Variants in EXOC2 observed in about 807,000 individuals in gnomAD.
The protein encoded by EXOC2 is exocyst complex component 2, also known as SEC5-like 1.
EXOC2 carries 70 observed loss-of-function variants against 131.8 expected under a neutral mutation model. That is an observed-to-expected ratio of 0.53 (90% CI 0.44 to 0.65). The LOEUF is 0.65. Among genes scored for constraint, EXOC2 ranks in the 30% least tolerant of loss-of-function variants. EXOC2 has a pLI of 0.00. For synonymous variants in EXOC2, 411 were observed against 398.4 expected, an observed-to-expected ratio of 1.03 and a Z score of -0.38; for missense variants, 923 against 1,108.6, an observed-to-expected ratio of 0.83 and a Z score of 2.38.
intron 21 of EXOC2, among the ~76,000 whole-genome samples, chr6:553,419 CTATT>C (rs2067935329): frequency 7.8e-6 from 1 of 127,928 alleles, no homozygotes; most frequent in Non-Finnish European, 1.7e-5. Context: ...GTGTGTGTAT[CTATT>C]TGAGGCTGTG....
At chr6:640,945 A>AT (rs1762326577) in intron 1 of EXOC2, among the ~76,000 whole-genome samples, 1 of 152,206 alleles carries the variant, frequency 6.6e-6, no homozygotes, top group South Asian at 2.1e-4. Context: ...ATCGAGAGAA[A>AT]TTTTTTACCC....
intron 1 of EXOC2, among the ~76,000 whole-genome samples, chr6:665,568 G>T (rs908260697): frequency 2.0e-5 from 3 of 152,102 alleles, no homozygotes; most frequent in Non-Finnish European, 2.9e-5. Context: ...AGAAACTGTG[G>T]TATATATATA....
intron 11 of EXOC2, among the ~76,000 whole-genome samples, chr6:577,742 T>C (rs1183081124): frequency 2.0e-5 from 3 of 152,212 alleles, no homozygotes; most frequent in African/African-American, 7.2e-5. Flanking sequence ...ATAGGACACT[T>C]GAATATTCTC....
At chr6:497,261 G>T in intron 25 of EXOC2, 106 bp downstream of exon 25, 1 of 968,854 alleles carries the variant, frequency 1.0e-6, no homozygotes, top group Non-Finnish European at 1.6e-6. Flanking sequence ...TCAATCAGTA[G>T]ATCCATTAAA....
At chr6:595,833 A>C (rs1759784855) in intron 10 of EXOC2, among the ~76,000 whole-genome samples, 1 of 152,056 alleles carries the variant, frequency 6.6e-6, no homozygotes, top group African/African-American at 2.4e-5. Context: ...CCTCCCTGCA[A>C]CTCTGTCGCT....
intron 21 of EXOC2, among the ~76,000 whole-genome samples, chr6:552,860 CCACA>C (rs371980411): frequency 6.7e-6 from 1 of 149,948 alleles, no homozygotes; most frequent in Non-Finnish European, 1.5e-5. Context: ...CAGACACAGA[CCACA>C]CACACACACA....
intron 11 of EXOC2, among the ~76,000 whole-genome samples, chr6:591,268 T>C (rs748355637): frequency 5.3e-5 from 8 of 152,174 alleles, no homozygotes; most frequent in Admixed American, 1.3e-4. Context: ...CCCCAATCCA[T>C]TGACCCCAGC....
intron 6 of EXOC2, among the ~76,000 whole-genome samples, chr6:616,602 CAAAAA>C (rs70985805): frequency 2.6e-4 from 18 of 69,498 alleles, no homozygotes; most frequent in African/African-American, 8.0e-4. Flanking sequence ...AACTCCGTCT[CAAAAA>C]AAAAAAAAAA....
intron 1 of EXOC2, among the ~76,000 whole-genome samples, chr6:674,712 ATGTTTGTTTGTT>A (rs556375852): frequency 4.0e-5 from 6 of 148,570 alleles, no homozygotes; most frequent in South Asian, 2.1e-4. Context: ...TGTATTAACC[ATGTTTGTTTGTT>A]TGTTTGTTTG....
intron 23 of EXOC2, among the ~76,000 whole-genome samples, chr6:507,125 TACACACACACA>T (rs1764587461): frequency 2.3e-5 from 1 of 43,070 alleles, no homozygotes; most frequent in Non-Finnish European, 6.2e-5. Context: ...ACTACACACA[TACACACACACA>T]TACACACACA....
At chr6:686,259 G>A (rs1052843269) in intron 1 of EXOC2, among the ~76,000 whole-genome samples, 1 of 150,212 alleles carries the variant, frequency 6.7e-6, no homozygotes, top group African/African-American at 2.5e-5. Context: ...GCCGCGCCCG[G>A]CCTCCTGGAC....
At chr6:525,905 AT>A (rs1211461977) in intron 23 of EXOC2, among the ~76,000 whole-genome samples, 1 of 152,210 alleles carries the variant, frequency 6.6e-6, no homozygotes, top group Non-Finnish European at 1.5e-5. Context: ...TTATCCATCT[AT>A]CCATCTCATC....
chr6:556,120 G>A (rs1757407135), intron 18 of EXOC2, 107 bp from the exon 19 acceptor site: 1 of 1,002,708 alleles, frequency 1.0e-6, no homozygotes, highest in South Asian at 1.4e-5. Flanking sequence ...CTGCAGGAGT[G>A]GTGCCCTTCC....
intron 23 of EXOC2, among the ~76,000 whole-genome samples, chr6:523,733 G>A (rs1195636704): frequency 6.6e-6 from 1 of 152,192 alleles, no homozygotes; most frequent in Non-Finnish European, 1.5e-5. Context: ...GCCCAGGCTG[G>A]AGTGCAGTGG....
rs1759596979 is a variant in EXOC2, at chr6:592,502, T to C, written c.1159A>G (p.Ser387Gly). ...TCTTTCACGTAGCCCTCTTTGCAAC[T>C]GTGCATGAGCTGAAGGATCCACTTG... Reference protein sequence around the residue: ...QHKWILQLMHSCKEGYVKDLK... With the variant: ...QHKWILQLMHGCKEGYVKDLK... Residue 387 changes from serine to glycine, a missense_variant, in exon 11 of 28, where the codon AGT (serine) becomes GGT (glycine). Ser to Gly is a moderately conservative substitution (Grantham distance 56, BLOSUM62 0). Coordinates refer to ENST00000230449, the MANE Select transcript of EXOC2 (RefSeq NM_018303.6). 1.2e-6 allele frequency: 2 copies of C among 1,613,944 alleles called. No homozygotes were observed. Among genetic ancestry groups the C allele is most frequent in the Admixed American group, 1.7e-5 (1 of 59,994 alleles).
intron 10 of EXOC2, among the ~76,000 whole-genome samples, chr6:596,737 C>T (rs1759841591): frequency 6.6e-6 from 1 of 152,172 alleles, no homozygotes; most frequent in Non-Finnish European, 1.5e-5. Flanking sequence ...TGTCATTTTA[C>T]AACCACTGAA....
Position 687,914 on chromosome 6 carries a change from C to T in EXOC2, c.-44+5105G>A, listed in dbSNP as rs10223439. ...CTAGTTTTTTCTGTTTTACTTTATTCTTGTCTGTCTCTAAGCATGTATAAA... is the reference window on the plus strand; with the variant it reads ...CTAGTTTTTTCTGTTTTACTTTATTTTTGTCTGTCTCTAAGCATGTATAAA... On this transcript the variant is annotated intron_variant, in intron 1 of 27. Transcript: ENST00000230449. Among the ~76,000 whole-genome samples the T allele has an allele frequency of 4.3e-4, 66 of 152,216 alleles. No individual in the cohort carries two copies. The East Asian group carries it at 0.012, about 27-fold the overall frequency.
At chr6:574,122 T>C (rs1176944006) in intron 12 of EXOC2, among the ~76,000 whole-genome samples, 2 of 152,180 alleles carry the variant, frequency 1.3e-5, no homozygotes, top group East Asian at 1.9e-4. Context: ...ATTTAACAAG[T>C]TCCCTTCCAA....
At chr6:511,724 C>T (rs1764859396) in intron 23 of EXOC2, among the ~76,000 whole-genome samples, 1 of 152,234 alleles carries the variant, frequency 6.6e-6, no homozygotes, top group Non-Finnish European at 1.5e-5. Flanking sequence ...CCAATGAGGC[C>T]CACAGGCTCA....
Sources: allele counts gnomAD v4.1 joint callset (sites outside exome capture counted in the v4.1 genomes callset), GRCh38; gene constraint gnomAD v4.1.1; transcripts MANE v1.5; gene names NCBI Gene and HGNC (gene_info 2026-07-23, HGNC 2026-07-21).